The following PTPRD variants were observed in gnomAD, a reference collection of about 807,000 sequenced individuals.
PTPRD encodes protein tyrosine phosphatase receptor type D.
PTPRD carries 34 observed loss-of-function variants against 214.5 expected under a neutral mutation model. The observed-to-expected ratio is 0.16, with a 90% CI of 0.12 to 0.21. The LOEUF is 0.21. Among genes scored for constraint, PTPRD ranks in the 10% least tolerant of loss-of-function variants. The pLI, the probability that PTPRD is intolerant of heterozygous loss-of-function variation, is 1.00. For missense variants in PTPRD, 2,545 were observed against 2,398.7 expected, an observed-to-expected ratio of 1.06 and a Z score of -1.27; for synonymous variants, 1,128 against 845.7, an observed-to-expected ratio of 1.33 and a Z score of -5.79.
intron 5 of PTPRD, among the ~76,000 whole-genome samples, chr9:9,911,614 G>T (rs986296942): frequency 1.3e-5 from 2 of 151,950 alleles, no homozygotes; most frequent in African/African-American, 4.8e-5. Flanking sequence ...ATAATAATTT[G>T]CATTTTATCA....
intron 12 of PTPRD, among the ~76,000 whole-genome samples, chr9:8,714,490 C>T (rs2098408515): frequency 1.3e-5 from 2 of 152,178 alleles, no homozygotes; most frequent in South Asian, 2.1e-4. Flanking sequence ...GCCTGACCTC[C>T]AGATAGCTTG....
chr9:9,067,189 C>T (rs975005448), intron 10 of PTPRD, among the ~76,000 whole-genome samples: 1 of 152,168 alleles, frequency 6.6e-6, no homozygotes, highest in African/African-American at 2.4e-5. Context: ...TAGATAGCAC[C>T]ATTGCACTCC....
At chr9:9,562,202 A>G (rs2083148045) in intron 8 of PTPRD, among the ~76,000 whole-genome samples, 1 of 152,068 alleles carries the variant, frequency 6.6e-6, no homozygotes, top group South Asian at 2.1e-4. Flanking sequence ...TAGCTCTCAA[A>G]TCCCCAAGCC....
At chr9:8,363,504 A>G (rs1347794118) in intron 39 of PTPRD, among the ~76,000 whole-genome samples, 1 of 152,198 alleles carries the variant, frequency 6.6e-6, no homozygotes, top group Non-Finnish European at 1.5e-5. Context: ...CTGTTCTGAA[A>G]AAAATTAAAA....
chr9:9,804,711 TA>T (rs1225137192), intron 5 of PTPRD, among the ~76,000 whole-genome samples: 1 of 152,010 alleles, frequency 6.6e-6, no homozygotes, highest in Non-Finnish European at 1.5e-5. Flanking sequence ...TTTGAGCTAA[TA>T]AAAAGCTTAC....
At position 8,789,994 on chromosome 9, in the gene PTPRD, A is replaced by C. The variant is rs145220969; in HGVS notation, c.-103-56048T>G. On this transcript the variant is annotated intron_variant, in intron 11 of 45. Transcript: ENST00000381196. The stretch of plus-strand genomic sequence containing the variant: ...ATACAATACTATACAACTCACTTTC[A>C]TTGTGTTTATTATTTATTTACTTGC... 2.0e-4 allele frequency among the ~76,000 whole-genome samples: 31 copies of C among 152,152 alleles called. No individual in the cohort carries two copies. The East Asian group carries it at 3.3e-3, about 16-fold the overall frequency.
chr9:8,589,602 T>C (rs1263263984), intron 14 of PTPRD, among the ~76,000 whole-genome samples: 1 of 152,166 alleles, frequency 6.6e-6, no homozygotes, highest in African/African-American at 2.4e-5. Flanking sequence ...ACTTAAAAAC[T>C]AGAACATGGA....
intron 8 of PTPRD, among the ~76,000 whole-genome samples, chr9:9,425,850 A>C (rs1039465221): frequency 2.6e-5 from 4 of 152,048 alleles, no homozygotes; most frequent in African/African-American, 4.8e-5. Context: ...TGTTGAGTTG[A>C]TTTTTATATA....
intron 3 of PTPRD, among the ~76,000 whole-genome samples, chr9:10,265,419 G>C (rs1303704573): frequency 6.6e-6 from 1 of 152,184 alleles, no homozygotes; most frequent in Non-Finnish European, 1.5e-5. Context: ...CCACATGAGT[G>C]AGTCCAGGAA....
chr9:8,695,623 T>C (rs977588165), intron 12 of PTPRD, among the ~76,000 whole-genome samples: 31 of 152,172 alleles, frequency 2.0e-4, no homozygotes, highest in African/African-American at 7.2e-4. Flanking sequence ...TTTGAGTAAG[T>C]GATAAACATT....
At chr9:8,412,167 G>A (rs2093584663) in intron 35 of PTPRD, among the ~76,000 whole-genome samples, 1 of 152,130 alleles carries the variant, frequency 6.6e-6, no homozygotes, top group Non-Finnish European at 1.5e-5. Context: ...CTCTACTCAG[G>A]ATGCTGAGGC....
chr9:10,090,717 T>C (rs1259257457), intron 3 of PTPRD, among the ~76,000 whole-genome samples: 1 of 145,774 alleles, frequency 6.9e-6, no homozygotes, highest in Non-Finnish European at 1.5e-5. Context: ...CTACATTTAG[T>C]TGAATCTAGT....
At chr9:8,670,737 G>T (rs7859849) in intron 12 of PTPRD, among the ~76,000 whole-genome samples, 79,881 of 151,996 alleles carry the variant, frequency 0.53, 21,184 homozygotes, top group East Asian at 0.63. Flanking sequence ...ATAGCAAGAA[G>T]ACAATAGGTC....
chr9:9,688,605 G>C (rs550263080), intron 7 of PTPRD, among the ~76,000 whole-genome samples: 1 of 152,022 alleles, frequency 6.6e-6, no homozygotes, highest in African/African-American at 2.4e-5. Context: ...GTTTGCGTGA[G>C]TGATGAGGAA....
intron 5 of PTPRD, among the ~76,000 whole-genome samples, chr9:9,891,270 T>G (rs1342938023): frequency 6.6e-6 from 1 of 152,064 alleles, no homozygotes; most frequent in Non-Finnish European, 1.5e-5. Context: ...CAAAGAAATA[T>G]GCAATAAACT....
At chr9:9,180,627 T>C (rs533521227) in intron 10 of PTPRD, among the ~76,000 whole-genome samples, 1 of 152,192 alleles carries the variant, frequency 6.6e-6, no homozygotes, top group African/African-American at 2.4e-5. Flanking sequence ...ATATATTTTG[T>C]GTTAGATGGC....
chr9:8,988,574 G>T (rs1425056848), intron 11 of PTPRD, among the ~76,000 whole-genome samples: 1 of 152,054 alleles, frequency 6.6e-6, no homozygotes, highest in African/African-American at 2.4e-5. Flanking sequence ...GGTTTTAGCA[G>T]TTCCTCTGTT....
intron 10 of PTPRD, among the ~76,000 whole-genome samples, chr9:9,134,021 G>C (rs185263850): frequency 6.7e-6 from 1 of 150,092 alleles, no homozygotes; most frequent in Non-Finnish European, 1.5e-5. Context: ...TGCAGTCTTT[G>C]GCACCTGCAG....
chr9:9,304,463 T>C (rs1956467350), intron 9 of PTPRD, among the ~76,000 whole-genome samples: 1 of 152,006 alleles, frequency 6.6e-6, no homozygotes, highest in African/African-American at 2.4e-5. Context: ...ATTTTAGACT[T>C]TCCTTAAGTA....
Sources: gnomAD v4.1 joint callset for allele counts (sites outside exome capture counted in the v4.1 genomes callset) on GRCh38, gnomAD v4.1.1 for gene constraint, MANE v1.5 for transcripts, NCBI Gene and HGNC (gene_info 2026-07-23, HGNC 2026-07-21) for gene names.